The following CLSTN2 variants were observed in gnomAD, a reference collection of about 807,000 sequenced individuals.
The protein encoded by CLSTN2 is calsyntenin-2.
In CLSTN2, 48 loss-of-function variants were observed where a neutral mutation model predicts 101.2. That is an observed-to-expected ratio of 0.47 (90% CI 0.38 to 0.60). The LOEUF is 0.60. CLSTN2 is among the 20% of genes least tolerant of loss of function. The pLI is 0.00. For synonymous variants in CLSTN2, 481 were observed against 463.6 expected (o/e 1.04, Z -0.48); for missense variants, 1,160 against 1,238.2 (o/e 0.94, Z 0.95).
At chr3:140,397,719 T>C (rs1236032152) in intron 2 of CLSTN2, among the ~76,000 whole-genome samples, 1 of 152,204 alleles carries the variant, frequency 6.6e-6, no homozygotes, top group East Asian at 1.9e-4. Flanking sequence ...CCTAATACCT[T>C]CACTTTGGTG....
At position 139,935,474 on chromosome 3, in the gene CLSTN2, G is replaced by T. The variant is rs1436572364; in HGVS notation, c.100G>T (p.Ala34Ser). 6 of 1,229,520 alleles carry T rather than the reference G, an allele frequency of 4.9e-6. No homozygotes were observed. Among genetic ancestry groups the T allele is most frequent in the Non-Finnish European group, 6.1e-6 (6 of 985,146 alleles). 76.2% of individuals were successfully genotyped at this position (1,229,520 alleles called of 1,614,324 possible). Residue 34 changes from alanine (A) to serine (S), a missense_variant, in exon 1 of 17, where the codon GCG becomes TCG. By Grantham distance (99) the Ala-to-Ser change is moderately conservative. Transcript: ENST00000458420. The surrounding 1 kb of genome is among the most constrained non-coding windows in gnomAD (Gnocchi z 5.5). ...GGACAGCCGGCAGCGCCGCCTCCTCGCGGCTAAAGGTGGGTGCTGGGGAAG... is the reference window on the plus strand; with the variant it reads ...GGACAGCCGGCAGCGCCGCCTCCTCTCGGCTAAAGGTGGGTGCTGGGGAAG... ...GGDSRQRRLL[A>S]AKVNKHKPWI...
In CLSTN2 at chr3:139,960,577, T is replaced by C. The variant is rs186538659; in HGVS notation, c.109+25094T>C. Among the ~76,000 whole-genome samples the C allele has an allele frequency of 6.9e-4, 105 of 152,374 alleles. 1 individual carries two copies. The highest frequency in any genetic ancestry group is 2.3e-3 in the African/African-American group (97 of 41,592). On this transcript the variant is annotated intron_variant, in intron 1 of 16. Coordinates refer to ENST00000458420, the MANE Select transcript of CLSTN2 (RefSeq NM_022131.3). ...GTTTGAGCCACTAGTACCCACTTAC[T>C]ATCTGTCTTGACATTTTGCCTTCCT...
intron 2 of CLSTN2, among the ~76,000 whole-genome samples, chr3:140,212,256 G>A (rs1000370513): frequency 3.3e-5 from 5 of 152,184 alleles, no homozygotes; most frequent in South Asian, 2.1e-4. Flanking sequence ...TTCTGGATTT[G>A]TGTTGGATCT....
Position 140,459,529 on chromosome 3 carries a change from TCTGGC to T in CLSTN2, c.983_987del (p.Ser328TyrfsTer3). 1.2e-6 allele frequency: 2 copies of T among 1,614,038 alleles called. No individual in the cohort carries two copies. Among genetic ancestry groups the T allele is most frequent in the South Asian group, 2.2e-5 (2 of 91,072 alleles). Reference sequence around the variant, plus strand: ...TTCCTGACCCTCTGCAGGAGCCTCCTCTGGCATCATTGACCTCTTGCCATCCCCTA... The same window carrying T: ...TTCCTGACCCTCTGCAGGAGCCTCCTATCATTGACCTCTTGCCATCCCCTA... On this transcript the variant is annotated frameshift_variant, in exon 7 of 17. Coordinates refer to ENST00000458420, the MANE Select transcript of CLSTN2 (RefSeq NM_022131.3). LOFTEE classifies it high-confidence loss of function.
intron 8 of CLSTN2, among the ~76,000 whole-genome samples, chr3:140,476,984 A>G (rs1207688767): frequency 6.6e-6 from 1 of 152,130 alleles, no homozygotes; most frequent in East Asian, 1.9e-4. Context: ...TGAAGCAAAG[A>G]TCACCTCGCT....
intron 8 of CLSTN2, among the ~76,000 whole-genome samples, chr3:140,484,079 A>G (rs1257016470): frequency 1.3e-5 from 2 of 152,164 alleles, no homozygotes; most frequent in Non-Finnish European, 2.9e-5. Flanking sequence ...ACAATTTGGC[A>G]TGTTTTTGCA....
Position 140,421,180 on chromosome 3 carries a change from C to A in CLSTN2, c.693C>A (p.Ile231=). The change falls in exon 5 of 17, where the codon ATC becomes ATA. Residue 231 remains isoleucine (I), a synonymous_variant. Coordinates refer to ENST00000458420, the MANE Select transcript of CLSTN2 (RefSeq NM_022131.3). ...LSYDKQHQYE[I]LVTAYDCGQK... ...ATGACAAACAACACCAGTATGAGAT[C>A]CTGGTGACCGCCTACGACTGTGGAC... The A allele has an allele frequency of 6.2e-7, 1 of 1,614,008 alleles. No homozygotes were observed. Among genetic ancestry groups the A allele is most frequent in the Non-Finnish European group, 8.5e-7 (1 of 1,179,864 alleles).
intron 6 of CLSTN2, among the ~76,000 whole-genome samples, chr3:140,449,139 C>T (rs952566965): frequency 2.6e-5 from 4 of 152,152 alleles, no homozygotes; most frequent in Non-Finnish European, 2.9e-5. Context: ...CTCCCCAAAG[C>T]GCCAGCTATA....
intron 2 of CLSTN2, among the ~76,000 whole-genome samples, chr3:140,343,133 C>A (rs1432188119): frequency 6.6e-6 from 1 of 152,142 alleles, no homozygotes; most frequent in Non-Finnish European, 1.5e-5. Context: ...GTTTCCCATA[C>A]CTCATCCCAT....
At position 140,532,390 on chromosome 3, in the gene CLSTN2, G is replaced by C; in HGVS notation, c.1411G>C (p.Asp471His). ...VEFPVVTLYM[D>H]GATYEPYLVT... ...GTTTCCTGTGGTAACCTTATACATGGATGGAGCAACATATGAACCATACCT... is the reference window on the plus strand; with the variant it reads ...GTTTCCTGTGGTAACCTTATACATGCATGGAGCAACATATGAACCATACCT... Residue 471 changes from aspartate to histidine, a missense_variant, in exon 9 of 17, where the codon GAT becomes CAT. By Grantham distance (81) the Asp-to-His change is moderately conservative. Transcript: ENST00000458420. 1 of 1,613,694 alleles carries C rather than the reference G, an allele frequency of 6.2e-7. No homozygotes were observed.
chr3:140,004,342 G>A (rs1438319938), intron 1 of CLSTN2, among the ~76,000 whole-genome samples: 1 of 152,180 alleles, frequency 6.6e-6, no homozygotes, highest in Non-Finnish European at 1.5e-5. Context: ...TTCCATTTAT[G>A]ACAGGTGCCA....
chr3:140,535,017 A>G (rs1935332006), intron 9 of CLSTN2, among the ~76,000 whole-genome samples: 1 of 152,238 alleles, frequency 6.6e-6, no homozygotes, highest in Non-Finnish European at 1.5e-5. Flanking sequence ...AGAGGCCTAC[A>G]GCAGGCCACA....
At chr3:140,339,406 G>C (rs2107934903) in intron 2 of CLSTN2, among the ~76,000 whole-genome samples, 1 of 152,246 alleles carries the variant, frequency 6.6e-6, no homozygotes, top group South Asian at 2.1e-4. Context: ...TTTGTGAAGA[G>C]TAATTACAGG....
chr3:140,245,760 G>A (rs2086510452), intron 2 of CLSTN2, among the ~76,000 whole-genome samples: 2 of 152,150 alleles, frequency 1.3e-5, no homozygotes, highest in South Asian at 4.1e-4. Flanking sequence ...TATTTCTGTT[G>A]GGACAGTGCC....
At chr3:139,964,889 C>G (rs11927306) in intron 1 of CLSTN2, among the ~76,000 whole-genome samples, 17,099 of 152,162 alleles carry the variant, frequency 0.11, 1,027 homozygotes, top group Non-Finnish European at 0.13. Context: ...ACGGCTGCCT[C>G]ACTTCTCTTC....
chr3:140,110,820 G>A (rs1419212487), intron 1 of CLSTN2, among the ~76,000 whole-genome samples: 1 of 152,144 alleles, frequency 6.6e-6, no homozygotes, highest in Non-Finnish European at 1.5e-5. Context: ...CCTCTCTGGA[G>A]GAGGGCTGTT....
intron 8 of CLSTN2, among the ~76,000 whole-genome samples, chr3:140,513,583 C>CTTTTTTTTTTTTTTTTTTTTTT (rs55778787): frequency 5.1e-5 from 6 of 117,758 alleles, no homozygotes; most frequent in African/African-American, 9.9e-5. Context: ...TTTTTTCTTT[C>CTTTTTTTTTTTTTTTTTTTTTT]TTTTTTTTTT....
At chr3:140,451,617 C>A (rs1017645139) in intron 6 of CLSTN2, among the ~76,000 whole-genome samples, 1 of 152,190 alleles carries the variant, frequency 6.6e-6, no homozygotes, top group East Asian at 1.9e-4. Context: ...GAGTGAGGCC[C>A]AGATGCAAAT....
At chr3:140,416,239 G>A (rs1276347532) in intron 4 of CLSTN2, among the ~76,000 whole-genome samples, 2 of 152,136 alleles carry the variant, frequency 1.3e-5, no homozygotes, top group Admixed American at 6.5e-5. Flanking sequence ...ATTGATCATA[G>A]CATATAAACT....
Sources: allele counts gnomAD v4.1 joint callset (sites outside exome capture counted in the v4.1 genomes callset), GRCh38; gene constraint gnomAD v4.1.1; non-coding constraint Gnocchi (gnomAD v3.1); transcripts MANE v1.5; gene names NCBI Gene and HGNC (gene_info 2026-07-23, HGNC 2026-07-21).